The following WWC1 variants were observed in gnomAD, a reference collection of about 807,000 sequenced individuals.
WWC1 encodes the protein protein KIBRA.
WWC1 carries 55 observed loss-of-function variants against 138.4 expected under a neutral mutation model. The observed-to-expected ratio is 0.40, with a 90% confidence interval of 0.32 to 0.50. The LOEUF is 0.50. WWC1 is among the 20% of genes least tolerant of loss of function. WWC1 has a pLI of 0.72. For synonymous variants in WWC1, 524 were observed against 564.9 expected, an observed-to-expected ratio of 0.93 and a Z score of 1.03; for missense variants, 1,226 against 1,420.4, an observed-to-expected ratio of 0.86 and a Z score of 2.20.
At chr5:168,463,667 G>T (rs1300884087) in intron 20 of WWC1, among the ~76,000 whole-genome samples, 4 of 152,282 alleles carry the variant, frequency 2.6e-5, no homozygotes, top group Non-Finnish European at 4.4e-5. Context: ...ATTAATCAGG[G>T]TCTTTTACGT....
chr5:168,428,137 C>T lies in WWC1; in HGVS notation c.1915C>T (p.Gln639Ter). Residue 639 changes from glutamine to a stop codon, truncating the protein, a stop_gained, in exon 12 of 23, where the codon CAG becomes TAG. Transcript: ENST00000265293. LOFTEE classifies it high-confidence loss of function. ...CAGTGGTGTGTACGAGGCTTCCGTG[C>T]AGAGGTAGGTGTCTGGGTGCTGGCT... ...GDSGVYEASV[Q>*]RLGASEAAAF... is the part of the protein sequence containing the mutation. 6.2e-7 allele frequency: 1 copy of T among 1,612,760 alleles called. No homozygotes were observed. Among genetic ancestry groups the T allele is most frequent in the South Asian group, 1.1e-5 (1 of 91,004 alleles).
chr5:168,339,278 A>G (rs1773772262), intron 1 of WWC1, among the ~76,000 whole-genome samples: 1 of 152,026 alleles, frequency 6.6e-6, no homozygotes, highest in Admixed American at 6.6e-5. Context: ...CTCTAAGAGC[A>G]GAGGGATGAG....
chr5:168,295,843 C>G (rs2152735871), intron 1 of WWC1, among the ~76,000 whole-genome samples: 1 of 152,310 alleles, frequency 6.6e-6, no homozygotes, highest in South Asian at 2.1e-4. Context: ...CAGGGGAAGA[C>G]TGGGAGGCCG....
chr5:168,339,505 GGC>G (rs1413181779), intron 1 of WWC1, among the ~76,000 whole-genome samples: 1 of 152,134 alleles, frequency 6.6e-6, no homozygotes, highest in Non-Finnish European at 1.5e-5. Flanking sequence ...TGGTGGCTCG[GGC>G]AAGGGTGGCT....
intron 1 of WWC1, among the ~76,000 whole-genome samples, chr5:168,345,956 A>G (rs576220565): frequency 7.9e-4 from 120 of 152,178 alleles, no homozygotes; most frequent in African/African-American, 2.8e-3. Context: ...AAATTATTGG[A>G]GTCTCAGTCT....
At chr5:168,443,263 A>G (rs577040345) in intron 16 of WWC1, among the ~76,000 whole-genome samples, 35 of 152,220 alleles carry the variant, frequency 2.3e-4, no homozygotes, top group African/African-American at 8.4e-4. Flanking sequence ...TAGAGAAATT[A>G]AGTCTATTTT....
chr5:168,460,427 T>C (rs1398982261), intron 19 of WWC1, among the ~76,000 whole-genome samples: 2 of 152,222 alleles, frequency 1.3e-5, no homozygotes, highest in Non-Finnish European at 2.9e-5. Context: ...TTTAGCATCG[T>C]GCAGATACTA....
intron 21 of WWC1, among the ~76,000 whole-genome samples, chr5:168,466,735 T>C (rs1437664605): frequency 6.6e-6 from 1 of 152,190 alleles, no homozygotes; most frequent in Non-Finnish European, 1.5e-5. Context: ...AAATCTAAAG[T>C]AGCCTAATTA....
In WWC1 at chr5:168,464,890, G is replaced by A. The variant is rs1349861993; in HGVS notation, c.3078G>A (p.Gly1026=). ...KEQLEQAKSH[G]EKELPQWLRE... Reference sequence around the variant, plus strand: ...AGCTGGAACAAGCCAAGAGCCACGGGGAGAAGGAGCTGCCACAGTGGTTGC... The same window carrying A: ...AGCTGGAACAAGCCAAGAGCCACGGAGAGAAGGAGCTGCCACAGTGGTTGC... Residue 1026 remains glycine (G), a synonymous_variant, in exon 21 of 23, where the codon GGG becomes GGA. Transcript: ENST00000265293. 6.2e-7 allele frequency: 1 copy of A among 1,614,124 alleles called. No homozygotes were observed. Among genetic ancestry groups the A allele is most frequent in the Non-Finnish European group, 8.5e-7 (1 of 1,180,058 alleles).
chr5:168,460,997 G>A (rs1716147290), intron 20 of WWC1, among the ~76,000 whole-genome samples: 1 of 152,146 alleles, frequency 6.6e-6, no homozygotes, highest in African/African-American at 2.4e-5. Context: ...GTGTACACTT[G>A]GCCTTGCCTT....
At chr5:168,399,792 C>T (rs949537683) in intron 5 of WWC1, among the ~76,000 whole-genome samples, 1 of 152,150 alleles carries the variant, frequency 6.6e-6, no homozygotes, top group East Asian at 1.9e-4. Flanking sequence ...ACAGAACACT[C>T]ATTGTCCCGT....
At chr5:168,352,741 GC>G (rs1262140958) in intron 1 of WWC1, among the ~76,000 whole-genome samples, 1 of 151,918 alleles carries the variant, frequency 6.6e-6, no homozygotes, top group African/African-American at 2.4e-5. Context: ...CCACGACCTT[GC>G]CCAGCTAATT....
At chr5:168,420,901 A>T (rs545661239) in intron 9 of WWC1, among the ~76,000 whole-genome samples, 1 of 152,040 alleles carries the variant, frequency 6.6e-6, no homozygotes, top group African/African-American at 2.4e-5. Context: ...TGACCTCAAG[A>T]TGATAAGGTC....
intron 1 of WWC1, among the ~76,000 whole-genome samples, chr5:168,356,205 C>T (rs574173733): frequency 6.6e-6 from 1 of 152,340 alleles, no homozygotes; most frequent in South Asian, 2.1e-4. Flanking sequence ...TTCATTACGT[C>T]GCTGAAGAGC....
At chr5:168,313,723 T>A (rs1431939713) in intron 1 of WWC1, among the ~76,000 whole-genome samples, 1 of 152,194 alleles carries the variant, frequency 6.6e-6, no homozygotes, top group Non-Finnish European at 1.5e-5. Flanking sequence ...CAATACTACT[T>A]CTGTTGTTTT....
At chr5:168,359,338 G>A (rs1282848896) in intron 1 of WWC1, among the ~76,000 whole-genome samples, 1 of 152,204 alleles carries the variant, frequency 6.6e-6, no homozygotes, top group Non-Finnish European at 1.5e-5. Flanking sequence ...AGAGGCGTGA[G>A]CCACCACGTC....
At chr5:168,412,270 A>C (rs1337022086) in intron 8 of WWC1, 2 of 865,956 alleles carry the variant, frequency 2.3e-6, no homozygotes, top group African/African-American at 3.6e-5. Context: ...TTTAGTGTAA[A>C]GGACAGAGCA....
intron 1 of WWC1, among the ~76,000 whole-genome samples, chr5:168,362,959 T>C (rs1442327029): frequency 6.6e-6 from 1 of 152,106 alleles, no homozygotes; most frequent in Non-Finnish European, 1.5e-5. Flanking sequence ...CTTTTTTCTA[T>C]AAAAGAATTT....
rs1403755224 is a variant in WWC1, at chr5:168,348,726, G to A, written c.120-22698G>A. Among the ~76,000 whole-genome samples, 2 of 152,190 alleles carry A rather than the reference G, an allele frequency of 1.3e-5. 1 individual carries two copies. The highest frequency in any genetic ancestry group is 4.1e-4 in the South Asian group (2 of 4,836). On this transcript the variant is annotated intron_variant, in intron 1 of 22. Coordinates refer to ENST00000265293, the MANE Select transcript of WWC1 (RefSeq NM_015238.3). ...ACAAAGAAAGAAATTATCAGCCTAG[G>A]AAAGGGCCCTAGCAGAGCCATCCTG...
Sources: gnomAD v4.1 joint callset for allele counts (sites outside exome capture counted in the v4.1 genomes callset) on GRCh38, gnomAD v4.1.1 for gene constraint, MANE v1.5 for transcripts, NCBI Gene and HGNC (gene_info 2026-07-23, HGNC 2026-07-21) for gene names.